The following MRPL11 variants were observed in gnomAD, a reference collection of about 807,000 sequenced individuals.
MRPL11 encodes the protein large ribosomal subunit protein uL11m.
A neutral mutation model predicts 19.1 loss-of-function variants in MRPL11; 21 were observed. That is an observed-to-expected ratio of 1.10 (90% CI 0.78 to 1.58). The LOEUF is 1.58. Ranked by LOEUF, MRPL11 falls within the 40% of genes most tolerant of loss-of-function variation. The pLI, the probability that MRPL11 is intolerant of heterozygous loss-of-function variation, is 0.00. For synonymous variants in MRPL11, 108 were observed against 99.7 expected (o/e 1.08, Z -0.49); for missense variants, 242 against 243.9 (o/e 0.99, Z 0.05).
chr11:66,436,640 G>A (rs1372524741), intron 4 of MRPL11, among the ~76,000 whole-genome samples: 3 of 152,080 alleles, frequency 2.0e-5, no homozygotes, highest in African/African-American at 7.2e-5. Flanking sequence ...TCTCTGTCCC[G>A]GCGGTTGTCT....
At position 66,435,129 on chromosome 11, in the gene MRPL11, T is replaced by A. The variant is rs536769139; in HGVS notation, c.*878A>T. On this transcript the variant is annotated 3_prime_UTR_variant, in exon 5 of 5. Coordinates refer to ENST00000310999, the MANE Select transcript of MRPL11 (RefSeq NM_016050.5). Reference sequence around the variant, plus strand: ...TTTCTTTTAGGTGTTTATCTATGCTTTCCATATTTTCTCAGTGTAAAATGA... The same window carrying A: ...TTTCTTTTAGGTGTTTATCTATGCTATCCATATTTTCTCAGTGTAAAATGA... 3 of 152,344 alleles carry A rather than the reference T, an allele frequency of 2.0e-5. No homozygotes were observed. In the East Asian group the frequency reaches 5.8e-4, roughly 29 times the overall value. The allele number at this position is 152,344 out of a possible 1,614,324, so 9.4% of individuals were successfully genotyped here.
chr11:66,437,152 C>T lies in MRPL11; in HGVS notation c.425G>A (p.Arg142His), dbSNP rs571617485. The T allele has an allele frequency of 3.3e-5, 53 of 1,614,218 alleles. No individual in the cohort carries two copies. Among genetic ancestry groups the T allele is most frequent in the Non-Finnish European group, 4.1e-5 (48 of 1,180,048 alleles). The stretch of plus-strand genomic sequence containing the variant: ...AGAACGGGCAGACCCGATGATGGAG[C>T]GGACAACAGACGACAGGGGTACATC... The part of the protein sequence containing the change: ...LQDVPLSSVV[R>H]SIIGSARSLG... Residue 142 changes from arginine (R) to histidine (H), a missense_variant, in exon 4 of 5, where the codon CGC becomes CAC. Arg to His is a conservative substitution (Grantham distance 29, BLOSUM62 0). Transcript: ENST00000310999.
chr11:66,438,193 T>A lies in MRPL11; in HGVS notation c.190A>T (p.Ile64Phe). ...NERTKDIKEG[I>F]PLPTKILVKP... ...ACTAAAATCTTGGTAGGCAGAGGAA[T>A]GCCTTCCTTGATGTCCTTTGTCCTC... The change falls in exon 2 of 5, where the codon ATT (isoleucine) becomes TTT (phenylalanine). Residue 64 changes from isoleucine (I) to phenylalanine (F), a missense_variant. Ile to Phe is a conservative substitution (Grantham distance 21, BLOSUM62 0). Coordinates refer to ENST00000310999, the MANE Select transcript of MRPL11 (RefSeq NM_016050.5). 1 of 1,613,890 alleles carries A rather than the reference T, an allele frequency of 6.2e-7. No individual in the cohort carries two copies. The highest frequency in any genetic ancestry group is 8.5e-7 in the Non-Finnish European group (1 of 1,179,756).
Position 66,438,612 on chromosome 11 carries a change from G to T in MRPL11, c.123+20C>A. On this transcript the variant is annotated intron_variant, in intron 1 of 4. Transcript: ENST00000310999. ...ACCATCCTAGACAACCCCCACGTCGGGTTCCCGCCACGGCCGCACCTGACC... is the reference window on the plus strand; with the variant it reads ...ACCATCCTAGACAACCCCCACGTCGTGTTCCCGCCACGGCCGCACCTGACC... 1 of 1,490,058 alleles carries T rather than the reference G, an allele frequency of 6.7e-7. No homozygotes were observed. The highest frequency in any genetic ancestry group is 8.9e-7 in the Non-Finnish European group (1 of 1,119,692). 92.3% of individuals were successfully genotyped at this position (1,490,058 alleles called of 1,614,324 possible). A position where few individuals can be genotyped will look rare whatever the true frequency, so the allele number is the denominator to read the frequency against.
intron 2 of MRPL11, 81 bp downstream of exon 2, chr11:66,438,083 G>C: frequency 2.0e-6 from 2 of 1,011,742 alleles, no homozygotes; most frequent in Non-Finnish European, 1.6e-6. Context: ...CAGGAGCAGA[G>C]AAACAACCCC....
Position 66,435,721 on chromosome 11 carries a change from C to A in MRPL11, c.*286G>T, listed in dbSNP as rs1189798970. 1 of 277,478 alleles carries A rather than the reference C, an allele frequency of 3.6e-6. No homozygotes were observed. The highest frequency in any genetic ancestry group is 6.8e-6 in the Non-Finnish European group (1 of 147,998). The allele number at this position is 277,478 out of a possible 1,614,324, so 17.2% of individuals were successfully genotyped here. ...CAAGTTACTTTGCTTGGCTGAACCTCAGTTTGCACATCTGAGAAGCAGTAT... is the reference window on the plus strand; with the variant it reads ...CAAGTTACTTTGCTTGGCTGAACCTAAGTTTGCACATCTGAGAAGCAGTAT... On this transcript the variant is annotated 3_prime_UTR_variant, in exon 5 of 5. Transcript: ENST00000310999.
intron 4 of MRPL11, 143 bp from the exon 5 acceptor site, chr11:66,436,255 G>T: frequency 1.6e-6 from 1 of 634,752 alleles, no homozygotes; most frequent in Non-Finnish European, 2.8e-6. Flanking sequence ...TGACTTCCCA[G>T]CCTCCATACC....
Position 66,438,806 on chromosome 11 carries a change from C to T in MRPL11, c.-52G>A. The T allele has an allele frequency of 7.0e-7, 1 of 1,420,360 alleles. No individual in the cohort carries two copies. The highest frequency in any genetic ancestry group is 9.3e-7 in the Non-Finnish European group (1 of 1,079,438). The allele number at this position is 1,420,360 out of a possible 1,614,324, so 88.0% of individuals were successfully genotyped here. On this transcript the variant is annotated 5_prime_UTR_variant, in exon 1 of 5. Coordinates refer to ENST00000310999, the MANE Select transcript of MRPL11 (RefSeq NM_016050.5). ...CCTCAGGGGAGCAGCAAGAGCGAAGCTCTGGGCGCCACCATCTTGGGCCAG... is the reference window on the plus strand; with the variant it reads ...CCTCAGGGGAGCAGCAAGAGCGAAGTTCTGGGCGCCACCATCTTGGGCCAG...
intron 2 of MRPL11, 39 bp downstream of exon 2, chr11:66,438,125 G>C: frequency 1.4e-6 from 2 of 1,462,364 alleles, no homozygotes. Context: ...AGGAAGAACA[G>C]AGGGAGAAGG....
At chr11:66,437,542 A>G in intron 2 of MRPL11, 99 bp from the exon 3 acceptor site, 1 of 1,072,826 alleles carries the variant, frequency 9.3e-7, no homozygotes, top group Non-Finnish European at 1.4e-6. Flanking sequence ...TCACTTTCCA[A>G]TGGCATCCCT....
intron 2 of MRPL11, among the ~76,000 whole-genome samples, chr11:66,437,747 G>A (rs1336261446): frequency 2.6e-5 from 4 of 152,100 alleles, no homozygotes; most frequent in Non-Finnish European, 5.9e-5. Flanking sequence ...GGTGGCGGGC[G>A]CCTGTAATCC....
intron 4 of MRPL11, chr11:66,436,713 G>GC: frequency 1.2e-6 from 1 of 808,388 alleles, no homozygotes; most frequent in Non-Finnish European, 2.1e-6. Context: ...GTCATCCGAA[G>GC]CCCCATGACA....
At chr11:66,437,526 T>C in intron 2 of MRPL11, 83 bp from the exon 3 acceptor site, 1 of 1,228,312 alleles carries the variant, frequency 8.1e-7, no homozygotes, top group Non-Finnish European at 1.2e-6. Context: ...CCCTGCTTCC[T>C]TCATCTCACT....
rs749120564 is a variant in MRPL11, at chr11:66,437,186, C to A, written c.391G>T (p.Ala131Ser). The change falls in exon 4 of 5, where the codon GCC becomes TCC. Residue 131 changes from alanine (A) to serine (S), a missense_variant. Coordinates refer to ENST00000310999, the MANE Select transcript of MRPL11 (RefSeq NM_016050.5). ...ARIKAQDEAF[A>S]LQDVPLSSVV... ...GACGACAGGGGTACATCCTGCAGGG[C>A]AAATGCCTCATCCTGAGCTTTGATG... 1 of 1,614,208 alleles carries A rather than the reference C, an allele frequency of 6.2e-7. No homozygotes were observed.
chr11:66,437,475 C>G (rs767602418), intron 2 of MRPL11, 32 bp from the exon 3 acceptor site: 1 of 1,598,398 alleles, frequency 6.3e-7, no homozygotes, highest in South Asian at 1.1e-5. Context: ...GAGATTCTCT[C>G]TTCCTACTGC....
intron 4 of MRPL11, chr11:66,436,791 T>G (rs1209614301): frequency 6.4e-7 from 1 of 1,573,412 alleles, no homozygotes; most frequent in East Asian, 2.2e-5. Flanking sequence ...GCACTGGTCC[T>G]TCCCTCATAC....
Position 66,435,853 on chromosome 11 carries a change from A to G in MRPL11, c.*154T>C. On this transcript the variant is annotated 3_prime_UTR_variant, in exon 5 of 5. Transcript: ENST00000310999. Reference sequence around the variant, plus strand: ...TGACAGTGGGTAAGAAAGGATGTTTATTCAGGCCTGATGCCTCGATACAGC... The same window carrying G: ...TGACAGTGGGTAAGAAAGGATGTTTGTTCAGGCCTGATGCCTCGATACAGC... 1 of 614,734 alleles carries G rather than the reference A, an allele frequency of 1.6e-6. No homozygotes were observed. Among genetic ancestry groups the G allele is most frequent in the East Asian group, 2.8e-5 (1 of 35,146 alleles). The allele number at this position is 614,734 out of a possible 1,614,324, so 38.1% of individuals were successfully genotyped here.
At chr11:66,438,400 A>G in intron 1 of MRPL11, 141 bp from the exon 2 acceptor site, 1 of 882,674 alleles carries the variant, frequency 1.1e-6, no homozygotes, top group Non-Finnish European at 1.8e-6. Flanking sequence ...TCCGTGAGCC[A>G]GAAGATCGTA....
rs1266035659 is a variant in MRPL11, at chr11:66,436,009, ACT to A, written c.575_576del (p.Lys192MetfsTer14). 1 of 1,612,748 alleles carries A rather than the reference ACT, an allele frequency of 6.2e-7. No homozygotes were observed. Among genetic ancestry groups the A allele is most frequent in the Non-Finnish European group, 8.5e-7 (1 of 1,179,278 alleles). Reference protein sequence around the residue: ...DLAAQEEAAKK With the variant: ...DLAAQEEAAKX The stretch of plus-strand genomic sequence containing the variant: ...TCTGGGAGTTGGTGGGGCAAGGGTC[ACT>A]TCTTGGCAGCTTCTTCTTGGGCAGC... On this transcript the variant is annotated frameshift_variant, in exon 5 of 5. Transcript: ENST00000310999. LOFTEE classifies it high-confidence loss of function.
Sources: allele counts gnomAD v4.1 joint callset (sites outside exome capture counted in the v4.1 genomes callset), GRCh38; gene constraint gnomAD v4.1.1; transcripts MANE v1.5; gene names NCBI Gene and HGNC (gene_info 2026-07-23, HGNC 2026-07-21).